Variants in LRRC27 observed in about 807,000 individuals in gnomAD.
LRRC27 encodes leucine-rich repeat-containing protein 27.
Under a neutral mutation model 55.0 loss-of-function variants are expected in LRRC27, and 57 were observed. The observed-to-expected ratio is 1.04, with a 90% CI of 0.84 to 1.29. The LOEUF (loss-of-function observed/expected upper bound fraction) is 1.29. LRRC27 is among the 50% of genes most tolerant of loss of function. The probability of loss-of-function intolerance (pLI) is 0.00; values close to 1 mark genes in which losing one functional copy is unlikely to be tolerated. For missense variants in LRRC27, 721 were observed against 651.5 expected (o/e 1.11, Z -1.16); for synonymous variants, 278 against 251.9 (o/e 1.10, Z -0.98).
chr10:132,373,342 G>C (rs941681343), intron 10 of LRRC27, among the ~76,000 whole-genome samples: 1 of 152,160 alleles, frequency 6.6e-6, no homozygotes, highest in African/African-American at 2.4e-5. Context: ...GGGAGAAGGT[G>C]CAGGAGGGCT....
chr10:132,363,774 C>G (rs72863815), intron 9 of LRRC27, among the ~76,000 whole-genome samples: 30,699 of 152,042 alleles, frequency 0.2, 3,601 homozygotes, highest in East Asian at 0.5. Context: ...TTTAACGTAC[C>G]CTGGATCCCG....
intron 3 of LRRC27, among the ~76,000 whole-genome samples, chr10:132,339,689 A>G (rs987677988): frequency 6.6e-5 from 10 of 152,214 alleles, no homozygotes; most frequent in Non-Finnish European, 1.0e-4. Context: ...TCACACGATC[A>G]TCATCTTCTG....
At position 132,348,111 on chromosome 10, in the gene LRRC27, G is replaced by C. The variant is rs140248163; in HGVS notation, c.681G>C (p.Glu227Asp). The change falls in exon 6 of 11, where the codon GAG becomes GAC. Residue 227 changes from glutamate to aspartate, a missense_variant. Glu to Asp is a conservative substitution (Grantham distance 45). Coordinates refer to ENST00000368614, the MANE Select transcript of LRRC27 (RefSeq NM_030626.3). This position sits in a 1 kb window ranked among gnomAD's most constrained non-coding sequence, Gnocchi z 4.2. The part of the protein sequence containing the change: ...AQDPEGAVMK[E>D]KASFLPPVEK... ...ACCCAGAGGGGGCTGTGATGAAAGA[G>C]AAGGCCAGCTTTCTCCCACCTGTGG... 2 of 1,614,140 alleles carry C rather than the reference G, an allele frequency of 1.2e-6. No homozygotes were observed. Among genetic ancestry groups the C allele is most frequent in the Non-Finnish European group, 1.7e-6 (2 of 1,180,034 alleles).
At chr10:132,364,320 C>CT (rs1307628465) in intron 9 of LRRC27, among the ~76,000 whole-genome samples, 1 of 94,384 alleles carries the variant, frequency 1.1e-5, no homozygotes, top group Non-Finnish European at 2.4e-5. Context: ...AACACCCACA[C>CT]CACACCCATG....
intron 2 of LRRC27, chr10:132,337,249 G>T (rs1649415027): frequency 8.4e-7 from 1 of 1,190,336 alleles, no homozygotes; most frequent in South Asian, 2.2e-5. Flanking sequence ...CACTGAGTGT[G>T]GGGCCCCGGA....
At chr10:132,334,180 T>C (rs1002295905) in intron 2 of LRRC27, among the ~76,000 whole-genome samples, 1 of 152,242 alleles carries the variant, frequency 6.6e-6, no homozygotes, top group Non-Finnish European at 1.5e-5. Context: ...TGCTGTCTTG[T>C]CCATGTGATT....
At chr10:132,335,556 C>G (rs2067083885) in intron 2 of LRRC27, among the ~76,000 whole-genome samples, 1 of 151,046 alleles carries the variant, frequency 6.6e-6, no homozygotes, top group Non-Finnish European at 1.5e-5. Context: ...TCCCCCAGAT[C>G]CTCATAGGCT....
rs141724598 is a variant in LRRC27 at position 132,351,837 on chromosome 10, C to T, written c.1073+84C>T. The T allele has an allele frequency of 1.9e-4, 278 of 1,453,014 alleles. 1 individual carries two copies. The highest frequency in any genetic ancestry group is 3.3e-4 in the African/African-American group (23 of 70,330). 90.0% of individuals were successfully genotyped at this position (1,453,014 alleles called of 1,614,324 possible). A position where few individuals can be genotyped will look rare whatever the true frequency, so the allele number is the denominator to read the frequency against. ...TGGGCTGTGATTTTATGGCAGGCCT[C>T]GTGGAAGTGTTTAGTTAGTTCTCCC... On this transcript the variant is annotated intron_variant, in intron 7 of 10. Coordinates refer to ENST00000368614, the MANE Select transcript of LRRC27 (RefSeq NM_030626.3).
chr10:132,352,252 C>G (rs1378281872), intron 7 of LRRC27, among the ~76,000 whole-genome samples: 3 of 99,040 alleles, frequency 3.0e-5, no homozygotes, highest in African/African-American at 1.2e-4. Context: ...CAGGGCGTTG[C>G]GTGCATGGGC....
rs571058776 is a variant in LRRC27, at chr10:132,332,970, A to T, written c.-48-507A>T. On this transcript the variant is annotated intron_variant, in intron 1 of 10. Coordinates refer to ENST00000368614, the MANE Select transcript of LRRC27 (RefSeq NM_030626.3). ...AACGAAAATTCGAGATTAATTTAAC[A>T]GGTTTTTCCCCGGTGCTTAACTGGG... Among the ~76,000 whole-genome samples, 10 of 152,330 alleles carry T rather than the reference A, an allele frequency of 6.6e-5. No homozygotes were observed. In the South Asian group the frequency reaches 2.1e-3, roughly 32 times the overall value.
In LRRC27 at chr10:132,377,982, C is replaced by T. The variant is rs1355218064; in HGVS notation, c.*2740C>T. The stretch of plus-strand genomic sequence containing the variant: ...GGATCACGAGGTCAGGAGATCGAGA[C>T]CATCCTGGCTAACACGGTGAAACCC... On this transcript the variant is annotated 3_prime_UTR_variant, in exon 11 of 11. Transcript: ENST00000368614. 3 of 152,170 alleles carry T rather than the reference C, an allele frequency of 2.0e-5. No individual in the cohort carries two copies. Among genetic ancestry groups the T allele is most frequent in the African/African-American group, 7.2e-5 (3 of 41,440 alleles). The allele number at this position is 152,170 out of a possible 1,614,324, so 9.4% of individuals were successfully genotyped here.
chr10:132,349,027 G>A (rs867731044), intron 6 of LRRC27: 5 of 1,609,818 alleles, frequency 3.1e-6, no homozygotes, highest in Middle Eastern at 1.6e-4. Flanking sequence ...AATCATGGGC[G>A]TGGTAGGGCG....
intron 9 of LRRC27, among the ~76,000 whole-genome samples, chr10:132,364,566 C>CATGCTT (rs2068906365): frequency 1.0e-5 from 1 of 96,144 alleles, no homozygotes; most frequent in Non-Finnish European, 2.1e-5. Flanking sequence ...CACTTACACC[C>CATGCTT]ACGTCCACAC....
At chr10:132,341,717 T>G (rs2067424390) in intron 3 of LRRC27, among the ~76,000 whole-genome samples, 1 of 152,178 alleles carries the variant, frequency 6.6e-6, no homozygotes, top group Non-Finnish European at 1.5e-5. Flanking sequence ...TCTCAAACAT[T>G]TTTGGCCGTA....
At chr10:132,361,338 G>A in intron 8 of LRRC27, 119 bp from the exon 9 acceptor site, 1 of 811,132 alleles carries the variant, frequency 1.2e-6, no homozygotes, top group East Asian at 2.5e-5. Flanking sequence ...TCTACCCGGG[G>A]CGGCCTCGGA....
chr10:132,364,484 CACTT>C (rs2068876723), intron 9 of LRRC27, among the ~76,000 whole-genome samples: 1 of 2,148 alleles, frequency 4.7e-4, no homozygotes, highest in Non-Finnish European at 2.5e-3. Flanking sequence ...CACCCACCCA[CACTT>C]ACACCCACCC....
intron 3 of LRRC27, among the ~76,000 whole-genome samples, chr10:132,339,763 G>A (rs1263917785): frequency 6.6e-6 from 1 of 152,232 alleles, no homozygotes; most frequent in Non-Finnish European, 1.5e-5. Context: ...GTTCTGGAGA[G>A]TAAGTGCTAC....
chr10:132,358,151 G>C (rs1038254949), intron 8 of LRRC27, among the ~76,000 whole-genome samples: 7 of 152,270 alleles, frequency 4.6e-5, no homozygotes, highest in Non-Finnish European at 1.0e-4. Context: ...TGAGAATCCA[G>C]TAGAAGAAAT....
chr10:132,349,535 G>A (rs1031637707), intron 6 of LRRC27, among the ~76,000 whole-genome samples: 16 of 152,108 alleles, frequency 1.1e-4, no homozygotes, highest in African/African-American at 3.6e-4. Context: ...ACGGTGAAAG[G>A]GCAGGAATAT....
Sources: gnomAD v4.1 joint callset for allele counts (sites outside exome capture counted in the v4.1 genomes callset) on GRCh38, gnomAD v4.1.1 for gene constraint, Gnocchi (gnomAD v3.1) non-coding constraint, MANE v1.5 for transcripts, NCBI Gene and HGNC (gene_info 2026-07-23, HGNC 2026-07-21) for gene names.